Variants in OTUD5 observed in about 807,000 individuals in gnomAD.
OTUD5 encodes the protein OTU domain-containing protein 5.
In OTUD5, 2 loss-of-function variants were observed where a neutral mutation model predicts 36.3. The ratio of observed to expected loss-of-function variants is 0.06; its 90% CI spans 0.02 to 0.17. The LOEUF is 0.17. Among genes scored for constraint, OTUD5 ranks in the 10% least tolerant of loss-of-function variants. The pLI is 1.00. For synonymous variants in OTUD5, 234 were observed against 214.9 expected (o/e 1.09, Z -0.78); for missense variants, 233 against 512.3 (o/e 0.45, Z 5.26).
intron 5 of OTUD5, among the ~76,000 whole-genome samples, chrX:48,929,795 A>T (rs1358360984): frequency 9.1e-6 from 1 of 109,453 alleles, no homozygotes; most frequent in Admixed American, 9.8e-5. Flanking sequence ...AAATAATACA[A>T]ATGTATTACA....
chrX:48,923,383 G>T, intron 8 of OTUD5, 88 bp from the exon 9 acceptor site: 1 of 765,040 alleles, frequency 1.3e-6, no homozygotes, highest in Non-Finnish European at 2.0e-6. Flanking sequence ...GGGCTCTGGA[G>T]AAATCCCATA....
chrX:48,945,766 G>T lies in OTUD5; in HGVS notation c.595-1483C>A, dbSNP rs1307459892. ...ACACACCAGGTAAGTTTTATAAATT[G>T]TTTTTTTCCTAAATTCCAAAGCACA... On this transcript the variant is annotated intron_variant, in intron 1 of 8. Coordinates refer to ENST00000376488, the MANE Select transcript of OTUD5 (RefSeq NM_001136157.2). 7.2e-5 allele frequency among the ~76,000 whole-genome samples: 8 copies of T among 110,953 alleles called. No homozygotes were observed. The Admixed American group carries it at 7.7e-4, about 11-fold the overall frequency.
Position 48,922,974 on chromosome X carries a change from C to T in OTUD5, c.*200G>A. The T allele has an allele frequency of 9.3e-7, 1 of 1,070,376 alleles. No homozygotes were observed. Among genetic ancestry groups the T allele is most frequent in the Non-Finnish European group, 1.2e-6 (1 of 828,200 alleles). The allele number at this position is 1,070,376 out of a possible 1,213,427, so 88.2% of individuals were successfully genotyped here. A position where few individuals can be genotyped will look rare whatever the true frequency, so the allele number is the denominator to read the frequency against. On this transcript the variant is annotated 3_prime_UTR_variant, in exon 9 of 9. Transcript: ENST00000376488. Reference sequence around the variant, plus strand: ...GGGGGCAACAGGGCACATCAGCTGGCAGAGAGACAGGTGATAGTGGCAGCG... The same window carrying T: ...GGGGGCAACAGGGCACATCAGCTGGTAGAGAGACAGGTGATAGTGGCAGCG...
At chrX:48,940,807 A>G (rs1167392324) in intron 2 of OTUD5, 3 of 112,086 alleles carry the variant, frequency 2.7e-5, no homozygotes, top group African/African-American at 9.7e-5. Flanking sequence ...CAAGCCTTCA[A>G]TGATGCTCAT....
intron 2 of OTUD5, among the ~76,000 whole-genome samples, chrX:48,939,033 T>C (rs1363972765): frequency 1.3e-4 from 15 of 111,763 alleles, no homozygotes; most frequent in Non-Finnish European, 1.7e-4. Flanking sequence ...AATACTACAA[T>C]TGGTCCCACA....
At chrX:48,935,987 G>A (rs782329388) in intron 2 of OTUD5, among the ~76,000 whole-genome samples, 1 of 106,813 alleles carries the variant, frequency 9.4e-6, no homozygotes, top group Admixed American at 1.0e-4. Context: ...CAGGCCTTTT[G>A]TGGGGATTAA....
intron 5 of OTUD5, among the ~76,000 whole-genome samples, chrX:48,930,757 G>A (rs1464312975): frequency 2.7e-5 from 3 of 110,903 alleles, no homozygotes; most frequent in South Asian, 3.8e-4. Flanking sequence ...TCAGGAGTTC[G>A]AGACTTCAGC....
rs1476508494 is a variant in OTUD5, at chrX:48,952,013, G to A, written c.594+4964C>T. On this transcript the variant is annotated intron_variant, in intron 1 of 8. Transcript: ENST00000376488. ...GGAGGTTGCAGCGACCTGAGATTGC[G>A]CCACTGCACTCCAGCCTGGGCAGCA... Among the ~76,000 whole-genome samples, 5 of 110,159 alleles carry A rather than the reference G, an allele frequency of 4.5e-5. No homozygotes were observed. In the South Asian group the frequency reaches 1.1e-3, roughly 25 times the overall value.
At chrX:48,937,118 T>C (rs1352206105) in intron 2 of OTUD5, among the ~76,000 whole-genome samples, 1 of 110,154 alleles carries the variant, frequency 9.1e-6, no homozygotes, top group Non-Finnish European at 1.9e-5. Context: ...GGAAGGGGGG[T>C]AGCCCCTTCA....
Position 48,923,837 on chromosome X carries a change from G to A in OTUD5, c.1465+14C>T, listed in dbSNP as rs1557046998. 1 of 1,209,469 alleles carries A rather than the reference G, an allele frequency of 8.3e-7. No homozygotes were observed. The highest frequency in any genetic ancestry group is 1.7e-5 in the African/African-American group (1 of 57,903). On this transcript the variant is annotated intron_variant, in intron 7 of 8. Transcript: ENST00000376488. Reference sequence around the variant, plus strand: ...CCTAACTCCCAGCACATTCCCTGTGGGCAAGTCACTGACCTGGCGCACAGG... The same window carrying A: ...CCTAACTCCCAGCACATTCCCTGTGAGCAAGTCACTGACCTGGCGCACAGG...
At chrX:48,956,458 C>T (rs988525307) in intron 1 of OTUD5, among the ~76,000 whole-genome samples, 1 of 111,250 alleles carries the variant, frequency 9.0e-6, no homozygotes, top group Non-Finnish European at 1.9e-5. Context: ...AGAGGATTGT[C>T]CTATATGCAG....
intron 5 of OTUD5, among the ~76,000 whole-genome samples, chrX:48,928,996 G>A: frequency 9.0e-6 from 1 of 110,932 alleles, no homozygotes; most frequent in East Asian, 2.8e-4. Flanking sequence ...AAACTATTCT[G>A]AATAATACTG....
In OTUD5 at chrX:48,934,375, A is replaced by G. The variant is rs2063800864; in HGVS notation, c.1059+89T>C. 7 of 763,238 alleles carry G rather than the reference A, an allele frequency of 9.2e-6. No homozygotes were observed. In the East Asian group the frequency reaches 2.0e-4, roughly 22 times the overall value. The allele number at this position is 763,238 out of a possible 1,213,427, so 62.9% of individuals were successfully genotyped here. A position where few individuals can be genotyped will look rare whatever the true frequency, so the allele number is the denominator to read the frequency against. ...CCTCAGGGGAGAGAGGAGACAGGAT[A>G]TTTTTGTGAGTTAGGGGCAAAACAG... On this transcript the variant is annotated intron_variant, in intron 5 of 8. Transcript: ENST00000376488.
At chrX:48,936,536 C>T (rs1241022559) in intron 2 of OTUD5, among the ~76,000 whole-genome samples, 1 of 110,915 alleles carries the variant, frequency 9.0e-6, no homozygotes, top group African/African-American at 3.3e-5. Context: ...TGTGAGCCAC[C>T]GCGCCTGGCC....
chrX:48,948,668 G>C (rs1557052992), intron 1 of OTUD5, among the ~76,000 whole-genome samples: 1 of 110,241 alleles, frequency 9.1e-6, no homozygotes, highest in East Asian at 2.9e-4. Flanking sequence ...AGGAGTTTGG[G>C]CTCTGGCCCT....
chrX:48,939,215 C>T (rs899855670), intron 2 of OTUD5, among the ~76,000 whole-genome samples: 4 of 110,716 alleles, frequency 3.6e-5, no homozygotes, highest in Non-Finnish European at 5.7e-5. Flanking sequence ...TTACCACCTT[C>T]ACCCCAATCC....
Position 48,923,965 on chromosome X carries a change from G to A in OTUD5, c.1351C>T (p.Arg451Trp), listed in dbSNP as rs926134865. The change falls in exon 7 of 9, where the codon CGG becomes TGG. Residue 451 changes from arginine to tryptophan, a missense_variant. Physicochemically the swap from Arg to Trp is moderately radical, Grantham distance 101 (BLOSUM62 -3). Transcript: ENST00000376488. ...TGCTCAGGTGACGAGGCTGAACTCCGCTGCCGCGGGGACCGGCTAGTCCAC... is the reference window on the plus strand; with the variant it reads ...TGCTCAGGTGACGAGGCTGAACTCCACTGCCGCGGGGACCGGCTAGTCCAC... ...EEWTSRSPRQ[R>W]SSASSPEHPE... The A allele has an allele frequency of 5.0e-6, 6 of 1,209,780 alleles. No individual in the cohort carries two copies. The highest frequency in any genetic ancestry group is 6.7e-6 in the Non-Finnish European group (6 of 894,269).
intron 1 of OTUD5, among the ~76,000 whole-genome samples, chrX:48,950,537 CTTTTTTTTTTTTTT>C (rs781905691): frequency 3.6e-5 from 3 of 83,086 alleles, no homozygotes; most frequent in Admixed American, 2.8e-4. Flanking sequence ...TTCTCTCTCT[CTTTTTTTTTTTTTT>C]TTTTTTTTTG....
At chrX:48,935,471 T>A (rs1447381359) in intron 2 of OTUD5, among the ~76,000 whole-genome samples, 1 of 109,041 alleles carries the variant, frequency 9.2e-6, no homozygotes, top group Non-Finnish European at 1.9e-5. Context: ...TCCTGACTCC[T>A]ACAAGTCAAC....
Sources: allele counts gnomAD v4.1 joint callset (sites outside exome capture counted in the v4.1 genomes callset), GRCh38; gene constraint gnomAD v4.1.1; transcripts MANE v1.5; gene names NCBI Gene and HGNC (gene_info 2026-07-23, HGNC 2026-07-21).